CEACAM18: variants seen among roughly 807,000 people sequenced by gnomAD.
CEACAM18 encodes the protein cell adhesion molecule CEACAM18.
CEACAM18 carries 33 observed loss-of-function variants against 34.3 expected under a neutral mutation model. That is an observed-to-expected ratio of 0.96 (90% CI 0.73 to 1.29). CEACAM18 has a LOEUF of 1.29. CEACAM18 is among the 50% of genes most tolerant of loss of function. The pLI is 0.00. For missense variants in CEACAM18, 474 were observed against 485.0 expected (o/e 0.98, Z 0.21); for synonymous variants, 169 against 180.9 (o/e 0.93, Z 0.53).
chr19:51,480,960 G>A lies in CEACAM18; in HGVS notation c.400+280G>A, dbSNP rs554718659. On this transcript the variant is annotated intron_variant, in intron 2 of 5. Transcript: ENST00000396477. ...TCTGTGTTCTTCAGTTTCCTCATCT[G>A]TAGAGTGGGGAGGAACCCACCATTG... Among the ~76,000 whole-genome samples the A allele has an allele frequency of 1.0e-3, 156 of 152,324 alleles. 1 individual carries two copies. The highest frequency in any genetic ancestry group is 3.5e-3 in the African/African-American group (145 of 41,564).
At chr19:51,479,635 G>A (rs538287991) in intron 1 of CEACAM18, among the ~76,000 whole-genome samples, 1 of 152,190 alleles carries the variant, frequency 6.6e-6, no homozygotes, top group Non-Finnish European at 1.5e-5. Context: ...ACCTGACCCA[G>A]GCTGGGGTGG....
At chr19:51,485,162 G>T (rs1314940661) in intron 5 of CEACAM18, 40 bp downstream of exon 5, 2 of 1,466,864 alleles carry the variant, frequency 1.4e-6, no homozygotes, top group African/African-American at 1.4e-5. Flanking sequence ...GATGTTGGCT[G>T]GGGGCTGGGA....
intron 1 of CEACAM18, among the ~76,000 whole-genome samples, chr19:51,478,895 T>C (rs1989858032): frequency 6.6e-6 from 1 of 151,404 alleles, no homozygotes; most frequent in Admixed American, 6.6e-5. Flanking sequence ...ACTTTGCCCC[T>C]AGACACACCC....
intron 1 of CEACAM18, 83 bp downstream of exon 1, chr19:51,478,777 ACCATC>A: frequency 9.9e-7 from 1 of 1,008,796 alleles, no homozygotes; most frequent in Admixed American, 4.0e-5. Context: ...GGGGGCTGGG[ACCATC>A]CCCATCCACG....
exon 2 of CEACAM18, chr19:51,480,370 C>A: frequency 6.2e-7 from 1 of 1,612,232 alleles, no homozygotes; most frequent in Non-Finnish European, 8.5e-7. Context: ...AGGCCTCTGG[C>A]CAAATCTTCA....
At chr19:51,483,394 C>T (rs1989951323) in intron 4 of CEACAM18, 98 bp downstream of exon 4, 1 of 1,399,276 alleles carries the variant, frequency 7.1e-7, no homozygotes, top group Non-Finnish European at 1.0e-6. Context: ...CTCCACTGTG[C>T]CATGACATGC....
intron 5 of CEACAM18, among the ~76,000 whole-genome samples, chr19:51,485,487 G>T (rs1013162553): frequency 6.6e-6 from 1 of 152,188 alleles, no homozygotes; most frequent in Admixed American, 6.5e-5. Flanking sequence ...GGGGAAACAG[G>T]TATCAGCGGT....
rs557455771 is a variant in CEACAM18 at position 51,487,877 on chromosome 19, G to A, written c.1090-2710G>A. 3.2e-3 allele frequency among the ~76,000 whole-genome samples: 481 copies of A among 152,304 alleles called. 2 individuals carry two copies. Among genetic ancestry groups the A allele is most frequent in the African/African-American group, 0.011 (456 of 41,562 alleles). Reference sequence around the variant, plus strand: ...AGTCATACGTGACTAAGTTTAAAATGAATTAAAATTAAATAAGTAAAAAAT... The same window carrying A: ...AGTCATACGTGACTAAGTTTAAAATAAATTAAAATTAAATAAGTAAAAAAT... On this transcript the variant is annotated intron_variant, in intron 5 of 5. Coordinates refer to ENST00000396477, the Ensembl canonical transcript of CEACAM18.
intron 5 of CEACAM18, among the ~76,000 whole-genome samples, chr19:51,485,717 C>T (rs1989987630): frequency 1.3e-5 from 2 of 152,320 alleles, no homozygotes; most frequent in East Asian, 1.9e-4. Flanking sequence ...GCATTCTCAG[C>T]ATAGAGTAGA....
Position 51,483,234 on chromosome 19 carries a change from T to C in CEACAM18, c.891T>C (p.Thr297=), listed in dbSNP as rs756966428. ...AGCAGATGGGCCGTTACCGATGCACTGTGGAGAACCCCGTGACACAGCTGA... is the reference window on the plus strand; with the variant it reads ...AGCAGATGGGCCGTTACCGATGCACCGTGGAGAACCCCGTGACACAGCTGA... The change falls in exon 4 of 6, where the codon ACT becomes ACC. Residue 297 remains threonine, a synonymous_variant. Coordinates refer to ENST00000396477, the Ensembl canonical transcript of CEACAM18. 6 of 1,614,026 alleles carry C rather than the reference T, an allele frequency of 3.7e-6. No homozygotes were observed. The South Asian group carries it at 5.5e-5, about 15-fold the overall frequency.
intron 2 of CEACAM18, among the ~76,000 whole-genome samples, 164 bp from the exon 3 acceptor site, chr19:51,481,229 C>A (rs879720647): frequency 2.0e-5 from 3 of 152,230 alleles, no homozygotes; most frequent in African/African-American, 7.2e-5. Context: ...CCTCATTGCC[C>A]TGTGCCTATT....
intron 3 of CEACAM18, among the ~76,000 whole-genome samples, chr19:51,482,726 G>A (rs536022193): frequency 3.6e-4 from 55 of 152,378 alleles, no homozygotes; most frequent in Non-Finnish European, 5.9e-5. Flanking sequence ...TGTGGGGACA[G>A]GCACAGAGCT....
At chr19:51,483,085 G>C in exon 4 of CEACAM18, 1 of 1,614,000 alleles carries the variant, frequency 6.2e-7, no homozygotes, top group East Asian at 2.2e-5. Flanking sequence ...AGCTGAGATC[G>C]GCTCCCAAGT....
intron 5 of CEACAM18, among the ~76,000 whole-genome samples, chr19:51,486,774 G>A (rs1965786003): frequency 1.4e-5 from 2 of 147,110 alleles, no homozygotes; most frequent in South Asian, 4.3e-4. Context: ...CTGGAGTGCA[G>A]TGGCGCGATC....
chr19:51,481,574 G>T, exon 3 of CEACAM18: 1 of 1,613,946 alleles, frequency 6.2e-7, no homozygotes, highest in Admixed American at 1.7e-5. Context: ...TCATCCTCAG[G>T]GTCAGCCGCT....
chr19:51,478,545 G>C (rs201244522), upstream of CEACAM18: 41 of 1,113,672 alleles, frequency 3.7e-5, no homozygotes, highest in Non-Finnish European at 4.9e-5. Flanking sequence ...AGACGAGACC[G>C]GCAGCCTCTG....
At chr19:51,490,832 T>G in exon 6 of CEACAM18, 1 of 393,272 alleles carries the variant, frequency 2.5e-6, no homozygotes, top group Non-Finnish European at 4.5e-6. Flanking sequence ...GATGATGTCG[T>G]GGGTAGCGTG....
chr19:51,481,585 A>G (rs1179914745), exon 3 of CEACAM18: 2 of 1,614,044 alleles, frequency 1.2e-6, no homozygotes, highest in East Asian at 2.2e-5. Context: ...GTCAGCCGCT[A>G]TGACAGAACA....
At chr19:51,482,986 A>G in intron 3 of CEACAM18, 31 bp from the exon 4 acceptor site, 1 of 1,606,348 alleles carries the variant, frequency 6.2e-7, no homozygotes, top group Non-Finnish European at 8.5e-7. Flanking sequence ...GGTCAGAAAC[A>G]TAGCCTGGGC....
Sources: gnomAD v4.1 joint callset for allele counts (sites outside exome capture counted in the v4.1 genomes callset) on GRCh38, gnomAD v4.1.1 for gene constraint, MANE v1.5 for transcripts, NCBI Gene and HGNC (gene_info 2026-07-23, HGNC 2026-07-21) for gene names.